Variants in HDAC11 observed in about 807,000 individuals in gnomAD.
HDAC11 encodes histone deacetylase 11.
A neutral mutation model predicts 41.1 loss-of-function variants in HDAC11; 23 were observed. That is an observed-to-expected ratio of 0.56 (90% CI 0.40 to 0.79). The LOEUF (loss-of-function observed/expected upper bound fraction) is 0.79. Ranked by LOEUF, HDAC11 falls within the 30% of genes least tolerant of loss-of-function variation. The pLI is 0.00. For missense variants in HDAC11, 402 were observed against 477.3 expected (o/e 0.84, Z 1.47); for synonymous variants, 187 against 186.6 (o/e 1.00, Z -0.02).
rs1179238022 is a variant in HDAC11, at chr3:13,480,533, G to A, written c.2+184G>A. Reference sequence around the variant, plus strand: ...TCCCGGCGCGCCAGGCCAGCCCCGCGCCCCTGCTCGGTGGCCCGAGGGACG... The same window carrying A: ...TCCCGGCGCGCCAGGCCAGCCCCGCACCCCTGCTCGGTGGCCCGAGGGACG... On this transcript the variant is annotated intron_variant, in intron 1 of 9. Transcript: ENST00000295757. This position sits in a 1 kb window ranked among gnomAD's most constrained non-coding sequence, Gnocchi z 4.6. 3.1e-6 allele frequency: 1 copy of A among 327,660 alleles called. No individual in the cohort carries two copies. Among genetic ancestry groups the A allele is most frequent in the Non-Finnish European group, 5.6e-6 (1 of 179,376 alleles). 20.3% of individuals were successfully genotyped at this position (327,660 alleles called of 1,614,324 possible).
At chr3:13,500,816 G>A (rs1428516016) in intron 6 of HDAC11, 27 bp downstream of exon 6, 16 of 1,456,844 alleles carry the variant, frequency 1.1e-5, no homozygotes, top group African/African-American at 7.1e-5. Flanking sequence ...GTGGGGTCTC[G>A]CCTCCAAGAG....
chr3:13,496,740 C>T lies in HDAC11; in HGVS notation c.257C>T (p.Ser86Phe). Residue 86 changes from serine (S) to phenylalanine (F), a missense_variant, in exon 4 of 10, where the codon TCC becomes TTC. By Grantham distance (155) the Ser-to-Phe change is radical (BLOSUM62 -2). Coordinates refer to ENST00000295757, the MANE Select transcript of HDAC11 (RefSeq NM_024827.4). Reference protein sequence around the residue: ...TRRYLNELKWSFAVATITEIP... With the variant: ...TRRYLNELKWFFAVATITEIP... ...AGCCCCTGTCTTTTTCCGCAGTGGT[C>T]CTTTGCTGTTGCTACCATCACAGAA... 6.2e-7 allele frequency: 1 copy of T among 1,600,870 alleles called. No homozygotes were observed. Among genetic ancestry groups the T allele is most frequent in the Non-Finnish European group, 8.5e-7 (1 of 1,172,416 alleles).
In HDAC11 at chr3:13,500,745, G is replaced by A. The variant is rs1222893348; in HGVS notation, c.445G>A (p.Gly149Ser). The A allele has an allele frequency of 1.9e-6, 3 of 1,592,928 alleles. No individual in the cohort carries two copies. The highest frequency in any genetic ancestry group is 2.7e-5 in the African/African-American group (2 of 74,592). Residue 149 changes from glycine to serine, a missense_variant, in exon 6 of 10, where the codon GGC becomes AGC. Transcript: ENST00000295757. ...GGFHHCSSDRGGGFCAYADIT... is the reference protein window; with the variant it reads ...GGFHHCSSDRSGGFCAYADIT... ...CTTCCACCACTGCTCCAGCGACCGT[G>A]GCGGGGGCTTCTGTGCCTATGCGGA...
chr3:13,494,731 G>C (rs1363563198), intron 3 of HDAC11, among the ~76,000 whole-genome samples: 1 of 152,098 alleles, frequency 6.6e-6, no homozygotes, highest in South Asian at 2.1e-4. Flanking sequence ...GCCTTCAGCC[G>C]CCCTTGCCGG....
At chr3:13,482,003 T>C (rs1412866191) in intron 2 of HDAC11, among the ~76,000 whole-genome samples, 1 of 152,176 alleles carries the variant, frequency 6.6e-6, no homozygotes, top group Non-Finnish European at 1.5e-5. Context: ...TATAAGATTG[T>C]AAAAGCCCAC....
intron 4 of HDAC11, among the ~76,000 whole-genome samples, chr3:13,498,018 G>A (rs546824064): frequency 6.6e-6 from 1 of 151,890 alleles, no homozygotes; most frequent in Non-Finnish European, 1.5e-5. Context: ...ACTCTGCCTG[G>A]CTAATTTTTG....
At position 13,496,870 on chromosome 3, in the gene HDAC11, G is replaced by C; in HGVS notation, c.369+18G>C. 2 of 1,384,968 alleles carry C rather than the reference G, an allele frequency of 1.4e-6. No individual in the cohort carries two copies. The highest frequency in any genetic ancestry group is 2.0e-6 in the Non-Finnish European group (2 of 1,001,750). The allele number at this position is 1,384,968 out of a possible 1,614,324, so 85.8% of individuals were successfully genotyped here. On this transcript the variant is annotated intron_variant, in intron 4 of 9. Transcript: ENST00000295757. The stretch of plus-strand genomic sequence containing the variant: ...CCATAATGGTAGGTGGGGTGGGGGG[G>C]CATGGCTGGGCTGGGGGCCCCCACA...
Position 13,480,845 on chromosome 3 carries a change from A to C in HDAC11, c.3-401A>C. Reference sequence around the variant, plus strand: ...TCAGTTGCATTCTCTGAGTCCTCACAACAGCCACACATTTTGCAGCCGAAG... The same window carrying C: ...TCAGTTGCATTCTCTGAGTCCTCACCACAGCCACACATTTTGCAGCCGAAG... On this transcript the variant is annotated intron_variant, in intron 1 of 9. Transcript: ENST00000295757. The surrounding 1 kb of genome is among the most constrained non-coding windows in gnomAD (Gnocchi z 4.6). 1 of 393,316 alleles carries C rather than the reference A, an allele frequency of 2.5e-6. No homozygotes were observed. Among genetic ancestry groups the C allele is most frequent in the East Asian group, 7.5e-5 (1 of 13,320 alleles). 24.4% of individuals were successfully genotyped at this position (393,316 alleles called of 1,614,324 possible).
intron 3 of HDAC11, among the ~76,000 whole-genome samples, chr3:13,492,974 G>A (rs953818399): frequency 2.0e-5 from 3 of 152,176 alleles, no homozygotes; most frequent in African/African-American, 7.2e-5. Flanking sequence ...AATTCACATA[G>A]CCAGTGGCAG....
intron 2 of HDAC11, among the ~76,000 whole-genome samples, chr3:13,482,249 A>G (rs1701356803): frequency 6.6e-6 from 1 of 152,242 alleles, no homozygotes; most frequent in African/African-American, 2.4e-5. Flanking sequence ...TGGGAAATTC[A>G]CTTAAACTTG....
At chr3:13,486,277 AAAAAAAAAAAAAG>A (rs1701565527) in intron 3 of HDAC11, among the ~76,000 whole-genome samples, 1 of 150,856 alleles carries the variant, frequency 6.6e-6, no homozygotes, top group African/African-American at 2.4e-5. Context: ...CAAAAAAAAA[AAAAAAAAAAAAAG>A]AAAAAGATGA....
At position 13,502,261 on chromosome 3, in the gene HDAC11, T is replaced by C; in HGVS notation, c.552+328T>C. On this transcript the variant is annotated intron_variant, in intron 7 of 9. Coordinates refer to ENST00000295757, the MANE Select transcript of HDAC11 (RefSeq NM_024827.4). The surrounding 1 kb of genome is among the most constrained non-coding windows in gnomAD (Gnocchi z 4.1). ...ATGAATAATTTGGGGCACTGCCCCC[T>C]GCCCAGAGCTGCTGAGCACTGGCCA... The C allele has an allele frequency of 3.3e-6, 1 of 305,614 alleles. No homozygotes were observed. The highest frequency in any genetic ancestry group is 6.1e-6 in the Non-Finnish European group (1 of 163,770). The allele number at this position is 305,614 out of a possible 1,614,324, so 18.9% of individuals were successfully genotyped here.
At chr3:13,484,962 T>C (rs1701491437) in intron 3 of HDAC11, among the ~76,000 whole-genome samples, 1 of 151,690 alleles carries the variant, frequency 6.6e-6, no homozygotes. Context: ...GCCCCAAGAG[T>C]GTGGGAGCCC....
chr3:13,492,341 A>G (rs1036863707), intron 3 of HDAC11, among the ~76,000 whole-genome samples: 1 of 152,214 alleles, frequency 6.6e-6, no homozygotes, highest in African/African-American at 2.4e-5. Context: ...GATCAACGGC[A>G]TGCATGGCCA....
At chr3:13,496,492 C>T (rs903586055) in intron 3 of HDAC11, 1 of 391,358 alleles carries the variant, frequency 2.6e-6, no homozygotes, top group South Asian at 3.5e-5. Flanking sequence ...GCTGAGGAAC[C>T]CTGGCCAACT....
At chr3:13,490,056 C>T (rs1027848914) in intron 3 of HDAC11, among the ~76,000 whole-genome samples, 13 of 151,838 alleles carry the variant, frequency 8.6e-5, no homozygotes, top group South Asian at 4.2e-4. Context: ...TGCAATGGCG[C>T]GATCTCGGCT....
At chr3:13,486,704 A>G (rs984360784) in intron 3 of HDAC11, among the ~76,000 whole-genome samples, 1 of 151,352 alleles carries the variant, frequency 6.6e-6, no homozygotes, top group African/African-American at 2.4e-5. Context: ...CAGCCTCCCA[A>G]GTAGCTAGGA....
intron 3 of HDAC11, among the ~76,000 whole-genome samples, chr3:13,484,878 G>A (rs1027693275): frequency 3.9e-5 from 6 of 152,120 alleles, no homozygotes; most frequent in African/African-American, 4.8e-5. Flanking sequence ...AGGTTGGGGC[G>A]GGGGCTTGCA....
rs1227901762 is a variant in HDAC11, at chr3:13,483,532, G to T, written c.220G>T (p.Val74Leu). ...REASEEDLLV[V>L]HTRRYLNELK... ...GGCCTCGGAGGAGGACCTGCTGGTGGTGCACACGAGGCGCTATCTTAATGA... is the reference window on the plus strand; with the variant it reads ...GGCCTCGGAGGAGGACCTGCTGGTGTTGCACACGAGGCGCTATCTTAATGA... The change falls in exon 3 of 10, where the codon GTG (valine) becomes TTG (leucine). Residue 74 changes from valine to leucine, a missense_variant. Transcript: ENST00000295757. The T allele has an allele frequency of 1.9e-6, 3 of 1,613,758 alleles. No homozygotes were observed. Among genetic ancestry groups the T allele is most frequent in the Non-Finnish European group, 2.5e-6 (3 of 1,179,920 alleles).
Sources: allele counts gnomAD v4.1 joint callset (sites outside exome capture counted in the v4.1 genomes callset), GRCh38; gene constraint gnomAD v4.1.1; non-coding constraint Gnocchi (gnomAD v3.1); transcripts MANE v1.5; gene names NCBI Gene and HGNC (gene_info 2026-07-23, HGNC 2026-07-21).